SARNP: variants seen among roughly 807,000 people sequenced by gnomAD.
SARNP encodes SAP domain containing ribonucleoprotein.
A neutral mutation model predicts 38.1 loss-of-function variants in SARNP; 5 were observed. The observed-to-expected ratio is 0.13, with a 90% CI of 0.07 to 0.28. SARNP has a LOEUF of 0.28. Among genes scored for constraint, SARNP ranks in the 10% least tolerant of loss-of-function variants. The pLI is 1.00. For synonymous variants in SARNP, 84 were observed against 80.6 expected (o/e 1.04, Z -0.23); for missense variants, 180 against 243.9 (o/e 0.74, Z 1.75).
chr12:55,787,421 G>C (rs1420734441), intron 9 of SARNP, among the ~76,000 whole-genome samples: 1 of 151,976 alleles, frequency 6.6e-6, no homozygotes, highest in Non-Finnish European at 1.5e-5. Context: ...ACGCTTTCAT[G>C]CTGAGTTGGA....
chr12:55,797,479 T>C (rs1879854146), intron 4 of SARNP, among the ~76,000 whole-genome samples: 2 of 152,224 alleles, frequency 1.3e-5, no homozygotes, highest in African/African-American at 4.8e-5. Context: ...CCCATTTCCT[T>C]GCCATCCTTC....
intron 9 of SARNP, among the ~76,000 whole-genome samples, chr12:55,777,619 C>T (rs1879221054): frequency 6.6e-6 from 1 of 152,148 alleles, no homozygotes; most frequent in East Asian, 1.9e-4. Context: ...CATGATCCAC[C>T]TGCCTCGGCC....
downstream of SARNP, chr12:55,754,294 T>G (rs1878434658): frequency 6.6e-6 from 1 of 152,246 alleles, no homozygotes. Context: ...AGATGACTTT[T>G]TACAAGTCTT....
intron 7 of SARNP, chr12:55,793,631 A>T (rs1252584023): frequency 6.6e-6 from 1 of 152,192 alleles, no homozygotes; most frequent in Admixed American, 6.5e-5. Context: ...ATTGAAAAAA[A>T]AAAAAATCCA....
chr12:55,806,676 A>T (rs1880154388), intron 1 of SARNP, among the ~76,000 whole-genome samples: 1 of 152,196 alleles, frequency 6.6e-6, no homozygotes, highest in Non-Finnish European at 1.5e-5. Context: ...ATTAGCTGGG[A>T]CTACAGGCGC....
chr12:55,753,400 G>GTACC (rs1483629904), downstream of SARNP: 1 of 152,104 alleles, frequency 6.6e-6, no homozygotes, highest in Admixed American at 6.5e-5. Flanking sequence ...TTTTTCCCAT[G>GTACC]TACCTAGAGC....
chr12:55,799,549 G>C (rs1879916353), intron 4 of SARNP, among the ~76,000 whole-genome samples: 1 of 125,144 alleles, frequency 8.0e-6, no homozygotes, highest in South Asian at 2.6e-4. Flanking sequence ...CCTTTATATA[G>C]AGTGTCACAC....
chr12:55,785,644 G>A (rs991479964), intron 9 of SARNP, among the ~76,000 whole-genome samples: 10 of 151,854 alleles, frequency 6.6e-5, no homozygotes, highest in African/African-American at 9.7e-5. Flanking sequence ...GCATGGTGGC[G>A]CACTCCCATA....
chr12:55,796,782 A>G (rs1879833108), intron 4 of SARNP, among the ~76,000 whole-genome samples: 1 of 152,192 alleles, frequency 6.6e-6, no homozygotes, highest in African/African-American at 2.4e-5. Context: ...ACAACAATTA[A>G]TAAGTACTCT....
Position 55,800,629 on chromosome 12 carries a change from C to T in SARNP, c.184G>A (p.Glu62Lys), listed in dbSNP as rs1174476711. The T allele has an allele frequency of 2.5e-6, 4 of 1,607,158 alleles. No individual in the cohort carries two copies. Among genetic ancestry groups the T allele is most frequent in the African/African-American group, 2.7e-5 (2 of 74,422 alleles). The change falls in exon 4 of 11, where the codon GAA becomes AAA. Residue 62 changes from glutamate to lysine, a missense_variant and splice_region_variant. Coordinates refer to ENST00000336133, the MANE Select transcript of SARNP (RefSeq NM_033082.4). Reference sequence around the variant, plus strand: ...AGCTCAATGGGCTTTGTTTCTTCTTCCTAAAACCAAATGAAACAAGGTGGT... The same window carrying T: ...AGCTCAATGGGCTTTGTTTCTTCTTTCTAAAACCAAATGAAACAAGGTGGT... ...EEDVLGDETE[E>K]EETKPIELPV...
chr12:55,790,530 G>A (rs761849834), intron 8 of SARNP, 37 bp downstream of exon 8: 2 of 1,553,198 alleles, frequency 1.3e-6, no homozygotes, highest in East Asian at 2.3e-5. Flanking sequence ...ATAGAATTAA[G>A]ATCTGGGTGT....
chr12:55,783,500 T>C (rs908687671), intron 9 of SARNP, among the ~76,000 whole-genome samples: 2 of 151,980 alleles, frequency 1.3e-5, no homozygotes, highest in African/African-American at 4.8e-5. Flanking sequence ...TAAGATTCTG[T>C]TCACTGAGAC....
At chr12:55,785,027 A>C (rs548182959) in intron 9 of SARNP, among the ~76,000 whole-genome samples, 1 of 152,322 alleles carries the variant, frequency 6.6e-6, no homozygotes, top group East Asian at 1.9e-4. Flanking sequence ...ACCAGTGTGT[A>C]AAGGTCCAGA....
chr12:55,754,329 A>G (rs967814714), downstream of SARNP: 3 of 152,126 alleles, frequency 2.0e-5, no homozygotes, highest in Non-Finnish European at 4.4e-5. Flanking sequence ...ACATCCTCCA[A>G]CCGAAGGCAT....
At chr12:55,813,295 A>C (rs1880385367) in intron 1 of SARNP, among the ~76,000 whole-genome samples, 1 of 152,166 alleles carries the variant, frequency 6.6e-6, no homozygotes, top group Admixed American at 6.5e-5. Flanking sequence ...TTATATAAAA[A>C]GTGGCCTGAC....
At chr12:55,803,948 A>T (rs1189502789) in intron 1 of SARNP, among the ~76,000 whole-genome samples, 1 of 152,232 alleles carries the variant, frequency 6.6e-6, no homozygotes, top group Non-Finnish European at 1.5e-5. Flanking sequence ...AAGAATAAAC[A>T]TCACACTTTA....
intron 9 of SARNP, among the ~76,000 whole-genome samples, chr12:55,771,845 C>T (rs1253088784): frequency 6.6e-6 from 1 of 152,130 alleles, no homozygotes; most frequent in Non-Finnish European, 1.5e-5. Context: ...GGATGAAAAG[C>T]AGAGCCTGGG....
intron 9 of SARNP, among the ~76,000 whole-genome samples, chr12:55,771,949 T>C (rs1879021368): frequency 6.6e-6 from 1 of 152,128 alleles, no homozygotes; most frequent in African/African-American, 2.4e-5. Context: ...GCTTCCAATT[T>C]CATACTCTCA....
In SARNP at chr12:55,757,417, G is replaced by C. The variant is rs549253578; in HGVS notation, c.*95C>G. On this transcript the variant is annotated 3_prime_UTR_variant, in exon 11 of 11. Coordinates refer to ENST00000336133, the MANE Select transcript of SARNP (RefSeq NM_033082.4). The stretch of plus-strand genomic sequence containing the variant: ...ATGCTCCCTCATTGCGAGGCAGGAC[G>C]TAGGCACATGACTGTGCATTTAGGC... The C allele has an allele frequency of 9.8e-7, 1 of 1,018,974 alleles. No homozygotes were observed. Among genetic ancestry groups the C allele is most frequent in the South Asian group, 1.7e-5 (1 of 58,824 alleles). 63.1% of individuals were successfully genotyped at this position (1,018,974 alleles called of 1,614,324 possible). A position where few individuals can be genotyped will look rare whatever the true frequency, so the allele number is the denominator to read the frequency against.
Sources: allele counts gnomAD v4.1 joint callset (sites outside exome capture counted in the v4.1 genomes callset), GRCh38; gene constraint gnomAD v4.1.1; transcripts MANE v1.5; gene names NCBI Gene and HGNC (gene_info 2026-07-23, HGNC 2026-07-21).